Variants in GHR observed in about 807,000 individuals in gnomAD.
The protein encoded by GHR is GH receptor.
In GHR, 35 loss-of-function variants were observed where a neutral mutation model predicts 67.1. The ratio of observed to expected loss-of-function variants is 0.52; its 90% CI spans 0.40 to 0.69. The LOEUF is 0.69. GHR is among the 30% of genes least tolerant of loss of function. The pLI, the probability that GHR is intolerant of heterozygous loss-of-function variation, is 0.00. For synonymous variants in GHR, 272 were observed against 269.1 expected, an observed-to-expected ratio of 1.01 and a Z score of -0.10; for missense variants, 792 against 764.6, an observed-to-expected ratio of 1.04 and a Z score of -0.42.
intron 3 of GHR, among the ~76,000 whole-genome samples, chr5:42,655,541 A>C (rs1478216214): frequency 6.6e-6 from 1 of 152,148 alleles, no homozygotes; most frequent in Non-Finnish European, 1.5e-5. Context: ...GCTCAGTCAT[A>C]AGTCACTAAA....
chr5:42,631,433 A>G (rs187189207), intron 3 of GHR, among the ~76,000 whole-genome samples: 27 of 152,320 alleles, frequency 1.8e-4, no homozygotes, highest in Non-Finnish European at 2.2e-4. Flanking sequence ...ACATGCTTGA[A>G]CATATCATTG....
intron 1 of GHR, chr5:42,548,245 T>C (rs994759925): frequency 1.0e-6 from 1 of 985,072 alleles, no homozygotes; most frequent in Non-Finnish European, 1.2e-6. Flanking sequence ...GAGAGAGAGA[T>C]TGAGAATGAC....
At chr5:42,533,438 T>A (rs1748068640) in intron 1 of GHR, among the ~76,000 whole-genome samples, 1 of 151,994 alleles carries the variant, frequency 6.6e-6, no homozygotes, top group South Asian at 2.1e-4. Flanking sequence ...GTTCATGGCA[T>A]CTTTTAACAC....
chr5:42,484,184 T>C (rs1479382433), intron 1 of GHR, among the ~76,000 whole-genome samples: 3 of 152,178 alleles, frequency 2.0e-5, no homozygotes, highest in Non-Finnish European at 2.9e-5. Flanking sequence ...GCCCAGAAAA[T>C]GTATCTTTAT....
intron 1 of GHR, among the ~76,000 whole-genome samples, chr5:42,474,841 A>G (rs1428679619): frequency 7.8e-6 from 1 of 128,536 alleles, no homozygotes; most frequent in African/African-American, 2.9e-5. Flanking sequence ...ATTTTTAACT[A>G]TTTAATAATT....
intron 3 of GHR, among the ~76,000 whole-genome samples, chr5:42,633,275 G>A (rs1364790659): frequency 6.6e-6 from 1 of 152,102 alleles, no homozygotes; most frequent in African/African-American, 2.4e-5. Flanking sequence ...ACTGCTTATT[G>A]GAGCATAAAT....
chr5:42,573,688 G>T (rs1750463976), intron 2 of GHR, among the ~76,000 whole-genome samples: 1 of 152,082 alleles, frequency 6.6e-6, no homozygotes, highest in African/African-American at 2.4e-5. Flanking sequence ...CCCTGACTAG[G>T]GATCCTGTGG....
At chr5:42,688,049 A>G (rs1757243385) in intron 3 of GHR, among the ~76,000 whole-genome samples, 1 of 152,232 alleles carries the variant, frequency 6.6e-6, no homozygotes, top group African/African-American at 2.4e-5. Flanking sequence ...TAGAATTAAC[A>G]CATGAGTATG....
Position 42,663,457 on chromosome 5 carries a change from T to C in GHR, c.137-25433T>C, listed in dbSNP as rs1489102596. ...GGTTCAATATTTGCAAATCAATAAA[T>C]GTAATCCAGCATATAAACAGAACCA... is the stretch of plus-strand genomic sequence containing the variant. On this transcript the variant is annotated intron_variant, in intron 3 of 9. Transcript: ENST00000230882. 2.6e-5 allele frequency among the ~76,000 whole-genome samples: 4 copies of C among 152,190 alleles called. No individual in the cohort carries two copies. In the East Asian group the frequency reaches 7.7e-4, roughly 29 times the overall value.
intron 8 of GHR, 129 bp from the exon 9 acceptor site, chr5:42,717,923 C>A: frequency 4.7e-6 from 3 of 639,304 alleles, no homozygotes; most frequent in South Asian, 1.8e-5. Flanking sequence ...TCTCACACTC[C>A]AATTATATAA....
chr5:42,474,883 GC>G (rs1745230027), intron 1 of GHR, among the ~76,000 whole-genome samples: 1 of 67,610 alleles, frequency 1.5e-5, no homozygotes, highest in Non-Finnish European at 3.2e-5. Context: ...TTTTTTTTTT[GC>G]CCTTTTTTTT....
At chr5:42,479,439 G>A (rs1470194702) in intron 1 of GHR, among the ~76,000 whole-genome samples, 1 of 152,158 alleles carries the variant, frequency 6.6e-6, no homozygotes, top group African/African-American at 2.4e-5. Flanking sequence ...TCTATTGATT[G>A]GAATAGTTTC....
At chr5:42,479,495 G>T (rs1397999450) in intron 1 of GHR, among the ~76,000 whole-genome samples, 1 of 152,236 alleles carries the variant, frequency 6.6e-6, no homozygotes, top group East Asian at 1.9e-4. Flanking sequence ...GTAGAATTCG[G>T]CTGTGAATCC....
At chr5:42,678,840 A>G (rs1301456397) in intron 3 of GHR, among the ~76,000 whole-genome samples, 1 of 151,804 alleles carries the variant, frequency 6.6e-6, no homozygotes, top group Non-Finnish European at 1.5e-5. Flanking sequence ...ATCAGAATTC[A>G]TTGCAGGCAG....
At position 42,461,014 on chromosome 5, in the gene GHR, A is replaced by G. The variant is rs1579740039; in HGVS notation, c.-12+37059A>G. Reference sequence around the variant, plus strand: ...CACCATTAATCATGCTTTGCAGATGAAAAATTGAAGACTCCTTGTCTCTGA... The same window carrying G: ...CACCATTAATCATGCTTTGCAGATGGAAAATTGAAGACTCCTTGTCTCTGA... On this transcript the variant is annotated intron_variant, in intron 1 of 9. Coordinates refer to ENST00000230882, the MANE Select transcript of GHR (RefSeq NM_000163.5). Among the ~76,000 whole-genome samples, 3 of 152,344 alleles carry G rather than the reference A, an allele frequency of 2.0e-5. No individual in the cohort carries two copies. The South Asian group carries it at 6.2e-4, about 32-fold the overall frequency.
intron 1 of GHR, chr5:42,425,097 A>G (rs886906365): frequency 2.6e-6 from 2 of 760,974 alleles, no homozygotes. Flanking sequence ...ATTAAGTATT[A>G]AGGGCTTTAA....
chr5:42,638,922 T>C (rs1754334105), intron 3 of GHR, among the ~76,000 whole-genome samples: 1 of 152,196 alleles, frequency 6.6e-6, no homozygotes, highest in Non-Finnish European at 1.5e-5. Flanking sequence ...GAAGAGGTAT[T>C]ATGGTTATGT....
intron 1 of GHR, among the ~76,000 whole-genome samples, chr5:42,446,211 G>A (rs1489237692): frequency 2.6e-5 from 4 of 152,188 alleles, no homozygotes; most frequent in Non-Finnish European, 4.4e-5. Flanking sequence ...TGGGAGGCAG[G>A]AACGATGGAA....
intron 2 of GHR, among the ~76,000 whole-genome samples, chr5:42,596,404 G>A (rs1203068011): frequency 6.6e-6 from 1 of 152,166 alleles, no homozygotes; most frequent in Non-Finnish European, 1.5e-5. Flanking sequence ...ATTCACAGTA[G>A]GCTGGCTGGA....
Sources: gnomAD v4.1 joint callset for allele counts (sites outside exome capture counted in the v4.1 genomes callset) on GRCh38, gnomAD v4.1.1 for gene constraint, MANE v1.5 for transcripts, NCBI Gene and HGNC (gene_info 2026-07-23, HGNC 2026-07-21) for gene names.